Variants in ZNG1A observed in about 807,000 individuals in gnomAD.
The protein encoded by ZNG1A is Zn regulated GTPase metalloprotein activator 1A.
At chr9:135,236 C>T in the ZNG1A span, among the ~76,000 whole-genome samples, 2 of 150,870 alleles carry the variant, frequency 1.3e-5, no homozygotes, top group South Asian at 2.1e-4. Flanking sequence ...AAAAAAACCA[C>T]ACATTCATAT....
chr9:126,683 T>C, the ZNG1A span, among the ~76,000 whole-genome samples: 9 of 152,116 alleles, frequency 5.9e-5, no homozygotes, highest in Non-Finnish European at 1.2e-4. Flanking sequence ...TTTTGGATTT[T>C]TTTTGTTGTT....
At chr9:138,396 C>CAT in the ZNG1A span, among the ~76,000 whole-genome samples, 1 of 90,538 alleles carries the variant, frequency 1.1e-5, no homozygotes, top group Admixed American at 1.3e-4. Context: ...TTCTTTCTTT[C>CAT]TTTTTTTTTT....
chr9:129,516 A>G, the ZNG1A span, among the ~76,000 whole-genome samples: 1 of 150,310 alleles, frequency 6.7e-6, no homozygotes, highest in African/African-American at 2.5e-5. Context: ...ATATACTACA[A>G]CATGGATGAA....
chr9:163,199 T>C, the ZNG1A span, among the ~76,000 whole-genome samples: 1 of 152,150 alleles, frequency 6.6e-6, no homozygotes, highest in Non-Finnish European at 1.5e-5. Flanking sequence ...CATAGTCGCT[T>C]AACTAAGAAA....
the ZNG1A span, among the ~76,000 whole-genome samples, chr9:135,242 C>T: frequency 1.3e-5 from 2 of 150,830 alleles, no homozygotes; most frequent in Admixed American, 6.6e-5. Context: ...ACCACACATT[C>T]ATATATATAC....
At chr9:154,699 C>A in the ZNG1A span, 1 of 1,588,822 alleles carries the variant, frequency 6.3e-7, no homozygotes, top group Admixed American at 1.7e-5. Context: ...ACACACTTAT[C>A]ATTTCGTACC....
the ZNG1A span, chr9:156,650 C>G: frequency 6.4e-6 from 7 of 1,100,050 alleles, no homozygotes; most frequent in African/African-American, 1.1e-4. Context: ...TGTTCTCTTA[C>G]TGAATACATA....
At chr9:146,209 C>A in the ZNG1A span, 7,450 of 1,583,348 alleles carry the variant, frequency 4.7e-3, 334 homozygotes, top group African/African-American at 0.084. Context: ...TGAAATACAT[C>A]CAGTTAATCA....
At chr9:140,075 G>A in the ZNG1A span, among the ~76,000 whole-genome samples, 159 of 150,844 alleles carry the variant, frequency 1.1e-3, 7 homozygotes, top group South Asian at 0.021. Flanking sequence ...AGGCGGCAGC[G>A]AGGCTCGGGG....
At chr9:153,121 AT>A in the ZNG1A span, 5 of 150,320 alleles carry the variant, frequency 3.3e-5, no homozygotes, top group Admixed American at 2.0e-4. Flanking sequence ...AGTGTCAGAG[AT>A]TTAGCTTAGG....
At chr9:156,009 G>A in the ZNG1A span, among the ~76,000 whole-genome samples, 180 of 150,648 alleles carry the variant, frequency 1.2e-3, no homozygotes, top group African/African-American at 3.7e-3. Context: ...GCATGGTGGC[G>A]GGTGCCTGTA....
the ZNG1A span, among the ~76,000 whole-genome samples, chr9:129,314 A>G: frequency 4.6e-5 from 7 of 152,020 alleles, 1 homozygote; most frequent in Non-Finnish European, 1.0e-4. Context: ...CTTGCTTGAT[A>G]AGAGAAGTAC....
At chr9:157,922 T>A in the ZNG1A span, among the ~76,000 whole-genome samples, 2 of 151,670 alleles carry the variant, frequency 1.3e-5, no homozygotes, top group Non-Finnish European at 2.9e-5. Context: ...TTCTAAAAGT[T>A]CAGCAAATTC....
the ZNG1A span, among the ~76,000 whole-genome samples, chr9:155,964 T>A: frequency 6.8e-6 from 1 of 146,762 alleles, no homozygotes; most frequent in Non-Finnish European, 1.5e-5. Flanking sequence ...AAAATAAAAA[T>A]AAAAAAATAA....
At chr9:135,350 T>C in the ZNG1A span, among the ~76,000 whole-genome samples, 1 of 134,214 alleles carries the variant, frequency 7.5e-6, no homozygotes, top group Non-Finnish European at 1.6e-5. Context: ...ACAGGTTTAA[T>C]ACAAACTTAA....
the ZNG1A span, among the ~76,000 whole-genome samples, chr9:160,390 GCAAC>G: frequency 1.3e-5 from 2 of 151,914 alleles, no homozygotes; most frequent in South Asian, 4.2e-4. Flanking sequence ...GTCAAGCTTT[GCAAC>G]CAGAGGAATT....
At chr9:156,196 T>G in the ZNG1A span, among the ~76,000 whole-genome samples, 1 of 147,070 alleles carries the variant, frequency 6.8e-6, no homozygotes, top group Non-Finnish European at 1.5e-5. Flanking sequence ...AAAGAAATTG[T>G]ATAACAAGAA....
the ZNG1A span, among the ~76,000 whole-genome samples, chr9:143,386 C>T: frequency 1.1e-4 from 16 of 142,304 alleles, no homozygotes; most frequent in African/African-American, 4.4e-4. Flanking sequence ...AAGGCTGGTT[C>T]AATATATGCA....
chr9:130,118 G>A, the ZNG1A span, among the ~76,000 whole-genome samples: 1 of 151,096 alleles, frequency 6.6e-6, no homozygotes, highest in Non-Finnish European at 1.5e-5. Context: ...CTGTTATGCG[G>A]TGCATGACTA....
Sources: allele counts gnomAD v4.1 joint callset (sites outside exome capture counted in the v4.1 genomes callset), GRCh38; gene constraint gnomAD v4.1.1; transcripts MANE v1.5; gene names NCBI Gene and HGNC (gene_info 2026-07-23, HGNC 2026-07-21).